Variants in EPHA4 observed in about 807,000 individuals in gnomAD.
EPHA4 encodes the protein ephrin type-A receptor 4.
EPHA4 carries 19 observed loss-of-function variants against 108.3 expected under a neutral mutation model. That is an observed-to-expected ratio of 0.18 (90% CI 0.12 to 0.26). The LOEUF is 0.26. EPHA4 is among the 10% of genes least tolerant of loss of function. EPHA4 has a pLI of 1.00. For synonymous variants in EPHA4, 449 were observed against 455.5 expected, an observed-to-expected ratio of 0.99 and a Z score of 0.18; for missense variants, 917 against 1,254.0, an observed-to-expected ratio of 0.73 and a Z score of 4.06.
intron 8 of EPHA4, among the ~76,000 whole-genome samples, chr2:221,449,217 G>C (rs762654958): frequency 1.3e-5 from 2 of 152,204 alleles, no homozygotes; most frequent in Non-Finnish European, 2.9e-5. Context: ...CCTGTGTCCT[G>C]TTCTACCTTT....
intron 15 of EPHA4, among the ~76,000 whole-genome samples, chr2:221,427,443 TA>T (rs759203517): frequency 6.6e-6 from 1 of 152,212 alleles, no homozygotes; most frequent in Non-Finnish European, 1.5e-5. Context: ...TATTGACATA[TA>T]AAAAATCATT....
chr2:221,476,364 G>C (rs542078969), intron 5 of EPHA4, among the ~76,000 whole-genome samples: 1 of 152,208 alleles, frequency 6.6e-6, no homozygotes, highest in Admixed American at 6.5e-5. Flanking sequence ...GGCCAAACTG[G>C]ACTTCCCAAC....
intron 3 of EPHA4, among the ~76,000 whole-genome samples, chr2:221,513,516 C>A (rs1247185790): frequency 3.3e-5 from 5 of 151,968 alleles, no homozygotes; most frequent in East Asian, 1.9e-4. Context: ...GTTGATGGGG[C>A]CTGAGAATCA....
At position 221,572,206 on chromosome 2, in the gene EPHA4, C is replaced by A. The variant is rs1559300040; in HGVS notation, c.43G>T (p.Gly15Trp). The change falls in exon 1 of 18, where the codon GGG becomes TGG. Residue 15 changes from glycine (G) to tryptophan (W), a missense_variant. Coordinates refer to ENST00000281821, the MANE Select transcript of EPHA4 (RefSeq NM_004438.5). ...GAACCTGTGACAGCGTCGCAAATCC[C>A]GAAGAGACACGAAAATAGGGCGAAA... ...FYFALFSCLF[G>W]ICDAVTGSRV... 6.2e-7 allele frequency: 1 copy of A among 1,614,160 alleles called. No homozygotes were observed. The highest frequency in any genetic ancestry group is 2.2e-5 in the East Asian group (1 of 44,874).
intron 3 of EPHA4, among the ~76,000 whole-genome samples, chr2:221,540,483 C>T (rs1693802064): frequency 6.6e-6 from 1 of 152,154 alleles, no homozygotes; most frequent in African/African-American, 2.4e-5. Flanking sequence ...TTTTTCCCCT[C>T]TTTCTGTACT....
At chr2:221,550,808 T>C (rs948237554) in intron 3 of EPHA4, among the ~76,000 whole-genome samples, 3 of 151,994 alleles carry the variant, frequency 2.0e-5, no homozygotes, top group East Asian at 1.9e-4. Flanking sequence ...CTTTTTTTTT[T>C]CTACAAATGC....
At chr2:221,524,721 A>G (rs1237336096) in intron 3 of EPHA4, among the ~76,000 whole-genome samples, 2 of 152,210 alleles carry the variant, frequency 1.3e-5, no homozygotes, top group Non-Finnish European at 2.9e-5. Flanking sequence ...TACAACATAT[A>G]AAAACATCTC....
intron 3 of EPHA4, 50 bp from the exon 4 acceptor site, chr2:221,501,222 C>A: frequency 3.4e-6 from 5 of 1,480,368 alleles, no homozygotes; most frequent in African/African-American, 1.4e-5. Flanking sequence ...TGCAAATAGA[C>A]CAAAGCAAAA....
At chr2:221,554,633 A>C (rs1239655845) in intron 3 of EPHA4, among the ~76,000 whole-genome samples, 1 of 152,224 alleles carries the variant, frequency 6.6e-6, no homozygotes, top group Non-Finnish European at 1.5e-5. Flanking sequence ...GTGAATCCAC[A>C]AATATAATAA....
intron 3 of EPHA4, among the ~76,000 whole-genome samples, chr2:221,505,104 C>A (rs1224262135): frequency 1.3e-5 from 2 of 152,086 alleles, no homozygotes; most frequent in Non-Finnish European, 2.9e-5. Context: ...CTACACTGTC[C>A]ATTAAAATAA....
At chr2:221,489,878 C>T (rs1692088190) in intron 4 of EPHA4, among the ~76,000 whole-genome samples, 1 of 152,116 alleles carries the variant, frequency 6.6e-6, no homozygotes, top group Admixed American at 6.5e-5. Flanking sequence ...CACAGTGGCT[C>T]ATGACTGTAA....
intron 3 of EPHA4, among the ~76,000 whole-genome samples, chr2:221,546,875 G>T (rs61488470): frequency 0.012 from 1,781 of 152,212 alleles, 39 homozygotes; most frequent in African/African-American, 0.041. Flanking sequence ...AAATAATGCT[G>T]CCTCCTGTAT....
chr2:221,456,672 G>C lies in EPHA4; in HGVS notation c.1544C>G (p.Ala515Gly), dbSNP rs1197783524. The change falls in exon 7 of 18, where the codon GCC (alanine) becomes GGC (glycine). Residue 515 changes from alanine to glycine, a missense_variant. Physicochemically the swap from Ala to Gly is moderately conservative, Grantham distance 60. Transcript: ENST00000281821. ...GTCTCCATAGCCAGCTGCTGTCCTG[G>C]CTCGCACGTGGAAAACATAGGAAGT... ...PLTSYVFHVR[A>G]RTAAGYGDFS... 6.2e-7 allele frequency: 1 copy of C among 1,613,758 alleles called. No individual in the cohort carries two copies. Among genetic ancestry groups the C allele is most frequent in the African/African-American group, 1.3e-5 (1 of 74,862 alleles).
chr2:221,567,620 T>A (rs1018937419), intron 2 of EPHA4, among the ~76,000 whole-genome samples: 1 of 152,266 alleles, frequency 6.6e-6, no homozygotes, highest in Non-Finnish European at 1.5e-5. Context: ...TTACAAAATC[T>A]GTTTGCAACA....
chr2:221,434,164 T>C lies in EPHA4; in HGVS notation c.2474A>G (p.Tyr825Cys). 6.2e-7 allele frequency: 1 copy of C among 1,613,892 alleles called. No individual in the cohort carries two copies. The highest frequency in any genetic ancestry group is 8.5e-7 in the Non-Finnish European group (1 of 1,179,886). ...TACATCTTGATTGGACATATCCCAA[T>C]AGGGCCTCTCCCCGTACGACATCAC... ...WEVMSYGERP[Y>C]WDMSNQDVIK... The change falls in exon 14 of 18, where the codon TAT becomes TGT. Residue 825 changes from tyrosine to cysteine, a missense_variant. Around this residue, in one of 3 missense-constraint regions of EPHA4, gnomAD observed 758 missense variants for 1,076.7 expected, o/e 0.70. Coordinates refer to ENST00000281821, the MANE Select transcript of EPHA4 (RefSeq NM_004438.5).
intron 8 of EPHA4, among the ~76,000 whole-genome samples, chr2:221,447,827 T>TTATTTATTTATTTATG (rs1157560704): frequency 6.6e-6 from 1 of 150,736 alleles, no homozygotes; most frequent in African/African-American, 2.4e-5. Flanking sequence ...CTATTTTTAT[T>TTATTTATTTATTTATG]TATTTATTTA....
intron 3 of EPHA4, among the ~76,000 whole-genome samples, chr2:221,511,489 A>G (rs1382844398): frequency 2.0e-5 from 3 of 152,016 alleles, no homozygotes; most frequent in Non-Finnish European, 4.4e-5. Flanking sequence ...TCTGTACCTC[A>G]CTTCCGATTT....
chr2:221,431,943 C>A (rs987154391), intron 14 of EPHA4, among the ~76,000 whole-genome samples: 2 of 152,092 alleles, frequency 1.3e-5, no homozygotes, highest in Non-Finnish European at 2.9e-5. Context: ...CAAATTAATT[C>A]TATGCATCAA....
intron 3 of EPHA4, among the ~76,000 whole-genome samples, chr2:221,526,190 T>C (rs1480029745): frequency 6.6e-6 from 1 of 152,072 alleles, no homozygotes; most frequent in Admixed American, 6.5e-5. Flanking sequence ...ATATGGCTAA[T>C]AAGTGACAGT....
Sources: gnomAD v4.1 joint callset for allele counts (sites outside exome capture counted in the v4.1 genomes callset) on GRCh38, gnomAD v4.1.1 for gene constraint, gnomAD v4.1.1 regional missense constraint, MANE v1.5 for transcripts, NCBI Gene and HGNC (gene_info 2026-07-23, HGNC 2026-07-21) for gene names.